Variants in CADM2 observed in about 807,000 individuals in gnomAD.
The protein encoded by CADM2 is cell adhesion molecule 2.
In CADM2, 12 loss-of-function variants were observed where a neutral mutation model predicts 49.8. The ratio of observed to expected loss-of-function variants is 0.24; its 90% CI spans 0.15 to 0.39. CADM2 has a LOEUF of 0.39. Among genes scored for constraint, CADM2 ranks in the 10% least tolerant of loss-of-function variants. The pLI is 1.00. For missense variants in CADM2, 378 were observed against 492.3 expected (o/e 0.77, Z 2.20); for synonymous variants, 214 against 175.4 (o/e 1.22, Z -1.74).
chr3:85,322,794 G>A (rs1315981608), intron 1 of CADM2, among the ~76,000 whole-genome samples: 1 of 152,088 alleles, frequency 6.6e-6, no homozygotes, highest in Non-Finnish European at 1.5e-5. Flanking sequence ...GTATCCAGGG[G>A]GAGTCCTAAT....
chr3:84,972,282 C>A (rs575972572), intron 1 of CADM2, among the ~76,000 whole-genome samples: 168 of 152,286 alleles, frequency 1.1e-3, no homozygotes, highest in Admixed American at 1.8e-3. Context: ...TTTTTCCTTT[C>A]CACCTAAAGA....
chr3:85,011,780 C>T (rs1233330629), intron 1 of CADM2, among the ~76,000 whole-genome samples: 4 of 151,722 alleles, frequency 2.6e-5, no homozygotes, highest in African/African-American at 9.7e-5. Context: ...GTCTCAACTA[C>T]TTGGATGGCT....
At chr3:85,380,869 A>G (rs1016834745) in intron 1 of CADM2, among the ~76,000 whole-genome samples, 1 of 152,086 alleles carries the variant, frequency 6.6e-6, no homozygotes, top group African/African-American at 2.4e-5. Context: ...CTAACTAATT[A>G]AAGGAAGTTA....
intron 1 of CADM2, among the ~76,000 whole-genome samples, chr3:85,181,275 T>G (rs1354093541): frequency 6.6e-6 from 1 of 152,120 alleles, no homozygotes; most frequent in Non-Finnish European, 1.5e-5. Flanking sequence ...AAAATTATCC[T>G]TAGAAACCCA....
chr3:86,026,818 G>C (rs1733958047), intron 8 of CADM2, among the ~76,000 whole-genome samples: 1 of 152,088 alleles, frequency 6.6e-6, no homozygotes, highest in Admixed American at 6.6e-5. Context: ...CCAGTTCCTG[G>C]AAAATACTGA....
intron 1 of CADM2, among the ~76,000 whole-genome samples, chr3:85,705,176 C>T (rs1435615821): frequency 6.7e-6 from 1 of 150,210 alleles, no homozygotes; most frequent in African/African-American, 2.5e-5. Context: ...CCCTTCTTTT[C>T]ATTCTTATTT....
intron 8 of CADM2, among the ~76,000 whole-genome samples, chr3:85,963,660 T>A (rs1217265686): frequency 1.3e-5 from 2 of 151,884 alleles, no homozygotes; most frequent in Admixed American, 6.6e-5. Context: ...ATAATATACC[T>A]AAATGAAAAG....
Position 85,598,805 on chromosome 3 carries a change from A to G in CADM2, c.62-127717A>G, listed in dbSNP as rs2063316557. 3.3e-5 allele frequency among the ~76,000 whole-genome samples: 5 copies of G among 151,852 alleles called. No individual in the cohort carries two copies. The South Asian group carries it at 1.0e-3, about 32-fold the overall frequency. Reference sequence around the variant, plus strand: ...TAATTGCCATTCTCTATATTTATCTATATAGTGTATACATTTGCATACCAT... The same window carrying G: ...TAATTGCCATTCTCTATATTTATCTGTATAGTGTATACATTTGCATACCAT... On this transcript the variant is annotated intron_variant, in intron 1 of 9. Transcript: ENST00000383699.
chr3:85,773,230 G>A (rs1436770212), intron 2 of CADM2, among the ~76,000 whole-genome samples: 1 of 152,022 alleles, frequency 6.6e-6, no homozygotes, highest in Non-Finnish European at 1.5e-5. Flanking sequence ...GCAGAGTGGT[G>A]TGAAACTTTT....
At chr3:85,916,013 A>G (rs1043619632) in intron 6 of CADM2, among the ~76,000 whole-genome samples, 5 of 152,280 alleles carry the variant, frequency 3.3e-5, no homozygotes, top group Non-Finnish European at 7.4e-5. Flanking sequence ...AAAGTATAGT[A>G]GGAGGACTTA....
intron 1 of CADM2, among the ~76,000 whole-genome samples, chr3:85,120,497 TA>T (rs1247527628): frequency 1.9e-4 from 29 of 152,030 alleles, no homozygotes; most frequent in South Asian, 1.0e-3. Context: ...TATGCAGCCA[TA>T]AAAAAAGAAT....
At chr3:85,527,109 G>C (rs1251797791) in intron 1 of CADM2, among the ~76,000 whole-genome samples, 1 of 152,076 alleles carries the variant, frequency 6.6e-6, no homozygotes, top group Non-Finnish European at 1.5e-5. Context: ...ATAGAGGCCA[G>C]GCACGGTGTC....
chr3:85,100,834 A>T lies in CADM2; in HGVS notation c.61+141166A>T, dbSNP rs182676327. Among the ~76,000 whole-genome samples, 392 of 152,330 alleles carry T rather than the reference A, an allele frequency of 2.6e-3. 1 individual carries two copies. The highest frequency in any genetic ancestry group is 9.1e-3 in the African/African-American group (377 of 41,580). Reference sequence around the variant, plus strand: ...TTCAAAAATTACTTTCAATGATGTCATATGTAAATTAGATCCAGTGTAAAG... The same window carrying T: ...TTCAAAAATTACTTTCAATGATGTCTTATGTAAATTAGATCCAGTGTAAAG... On this transcript the variant is annotated intron_variant, in intron 1 of 9. Coordinates refer to ENST00000383699, the MANE Select transcript of CADM2 (RefSeq NM_001167675.2).
At chr3:85,264,360 G>A (rs1269278781) in intron 1 of CADM2, among the ~76,000 whole-genome samples, 2 of 152,018 alleles carry the variant, frequency 1.3e-5, no homozygotes, top group Non-Finnish European at 2.9e-5. Flanking sequence ...TCCTTCCATA[G>A]GTTATTGCTT....
In CADM2 at chr3:85,057,736, A is replaced by T. The variant is rs2036140861; in HGVS notation, c.61+98068A>T. 2.0e-5 allele frequency among the ~76,000 whole-genome samples: 3 copies of T among 152,186 alleles called. No individual in the cohort carries two copies. In the South Asian group the frequency reaches 6.2e-4, roughly 31 times the overall value. ...AACAAACTAGAATAAAGCAGTTTTG[A>T]TACAGTAAATTGCTGCCACTGATGC... On this transcript the variant is annotated intron_variant, in intron 1 of 9. Coordinates refer to ENST00000383699, the MANE Select transcript of CADM2 (RefSeq NM_001167675.2).
chr3:85,640,283 A>G (rs1345584882), intron 1 of CADM2, among the ~76,000 whole-genome samples: 1 of 152,178 alleles, frequency 6.6e-6, no homozygotes, highest in Non-Finnish European at 1.5e-5. Context: ...TACACCAATC[A>G]CAGATTTTCA....
At chr3:85,897,173 G>A (rs1038122918) in intron 5 of CADM2, among the ~76,000 whole-genome samples, 8 of 145,998 alleles carry the variant, frequency 5.5e-5, no homozygotes, top group African/African-American at 2.0e-4. Context: ...CTGTAATATG[G>A]AATCAGGATG....
intron 2 of CADM2, among the ~76,000 whole-genome samples, chr3:85,773,382 A>C (rs2070201010): frequency 6.6e-6 from 1 of 151,988 alleles, no homozygotes; most frequent in Non-Finnish European, 1.5e-5. Flanking sequence ...AAGTGTTTTC[A>C]TAGCTAGCAG....
chr3:85,347,203 CA>C, intron 1 of CADM2, among the ~76,000 whole-genome samples: 1 of 106,600 alleles, frequency 9.4e-6, no homozygotes, highest in Non-Finnish European at 1.7e-5. Context: ...GACTGGTCAA[CA>C]GAGTGACACT....
Sources: allele counts gnomAD v4.1 joint callset (sites outside exome capture counted in the v4.1 genomes callset), GRCh38; gene constraint gnomAD v4.1.1; transcripts MANE v1.5; gene names NCBI Gene and HGNC (gene_info 2026-07-23, HGNC 2026-07-21).